Variants in IRAK1BP1 observed in about 807,000 individuals in gnomAD.
IRAK1BP1 encodes interleukin-1 receptor-associated kinase 1-binding protein 1.
A neutral mutation model predicts 28.0 loss-of-function variants in IRAK1BP1; 24 were observed. The ratio of observed to expected loss-of-function variants is 0.86; its 90% CI spans 0.62 to 1.20. The LOEUF (loss-of-function observed/expected upper bound fraction) is 1.20, where lower values mean the gene tolerates loss of function less well. IRAK1BP1 is among the 50% of genes most tolerant of loss of function. The probability of loss-of-function intolerance (pLI) is 0.00; values close to 1 mark genes in which losing one functional copy is unlikely to be tolerated. For missense variants in IRAK1BP1, 336 were observed against 316.7 expected (o/e 1.06, Z -0.46); for synonymous variants, 131 against 116.3 (o/e 1.13, Z -0.81).
chr6:78,917,632 TAAAAAA>T (rs35313944), intron 4 of IRAK1BP1, among the ~76,000 whole-genome samples: 7 of 63,690 alleles, frequency 1.1e-4, no homozygotes, highest in African/African-American at 3.9e-4. Flanking sequence ...AAGTCAACAC[TAAAAAA>T]AAAAAAAAAA....
At chr6:78,920,347 G>GA (rs1183242855) in intron 4 of IRAK1BP1, among the ~76,000 whole-genome samples, 1 of 152,004 alleles carries the variant, frequency 6.6e-6, no homozygotes, top group African/African-American at 2.4e-5. Context: ...TAAGCAAAAA[G>GA]AAAAAACCCA....
intron 2 of IRAK1BP1, among the ~76,000 whole-genome samples, chr6:78,887,238 T>C (rs1302326028): frequency 6.6e-6 from 1 of 152,122 alleles, no homozygotes; most frequent in East Asian, 1.9e-4. Context: ...TGAATAGACA[T>C]TTATCAAAAG....
In IRAK1BP1 at chr6:78,902,751, A is replaced by G; in HGVS notation, c.*4417A>G. The G allele has an allele frequency of 2.8e-6, 1 of 360,566 alleles. No homozygotes were observed. The highest frequency in any genetic ancestry group is 7.6e-4 in the Middle Eastern group (1 of 1,320). The allele number at this position is 360,566 out of a possible 1,614,324, so 22.3% of individuals were successfully genotyped here. On this transcript the variant is annotated 3_prime_UTR_variant, in exon 4 of 4. Coordinates refer to ENST00000369940, the MANE Select transcript of IRAK1BP1 (RefSeq NM_001010844.4). Reference sequence around the variant, plus strand: ...GCACCACTGCACTTCAGCCTGGGTGACAAAGTGAGACTCCATCTACATACA... The same window carrying G: ...GCACCACTGCACTTCAGCCTGGGTGGCAAAGTGAGACTCCATCTACATACA...
the IRAK1BP1 span, among the ~76,000 whole-genome samples, chr6:78,952,629 T>C: frequency 1.4e-4 from 22 of 152,226 alleles, no homozygotes; most frequent in African/African-American, 4.3e-4. Flanking sequence ...TGGGATTCTA[T>C]AGAATTTGCT....
At chr6:78,969,720 A>G in the IRAK1BP1 span, 1 of 546,326 alleles carries the variant, frequency 1.8e-6, no homozygotes, top group Non-Finnish European at 3.2e-6. Flanking sequence ...ACATTCCTAC[A>G]AATAGCAAAA....
intron 1 of IRAK1BP1, among the ~76,000 whole-genome samples, chr6:78,876,847 C>G (rs59718026): frequency 6.6e-6 from 1 of 152,182 alleles, no homozygotes; most frequent in Non-Finnish European, 1.5e-5. Flanking sequence ...CAGATGTCCC[C>G]TAGGGCAAAA....
intron 4 of IRAK1BP1, among the ~76,000 whole-genome samples, chr6:78,927,159 C>T (rs1772911787): frequency 6.6e-6 from 1 of 152,100 alleles, no homozygotes; most frequent in Non-Finnish European, 1.5e-5. Context: ...ATTTACATTC[C>T]CACCAACAGT....
chr6:78,912,098 C>G (rs963816006), intron 4 of IRAK1BP1, among the ~76,000 whole-genome samples: 8 of 152,050 alleles, frequency 5.3e-5, no homozygotes, highest in Non-Finnish European at 1.2e-4. Context: ...TCATAAAGAC[C>G]AGGGACATGT....
At chr6:78,941,572 A>G (rs1269381140) in intron 4 of IRAK1BP1, among the ~76,000 whole-genome samples, 1 of 152,190 alleles carries the variant, frequency 6.6e-6, no homozygotes, top group Non-Finnish European at 1.5e-5. Flanking sequence ...AAAATAAGTG[A>G]CTTATCTAAG....
the IRAK1BP1 span, among the ~76,000 whole-genome samples, chr6:78,969,190 A>C: frequency 6.6e-6 from 1 of 152,246 alleles, no homozygotes; most frequent in Non-Finnish European, 1.5e-5. Flanking sequence ...ACAAGTTTTT[A>C]ACAAAGGACA....
chr6:78,968,358 C>G, the IRAK1BP1 span, among the ~76,000 whole-genome samples: 1 of 152,158 alleles, frequency 6.6e-6, no homozygotes, highest in Non-Finnish European at 1.5e-5. Context: ...TACTTATACA[C>G]AGATTTTTCC....
intron 4 of IRAK1BP1, chr6:78,940,548 GT>G (rs36155238): frequency 2.9e-3 from 240 of 82,700 alleles, no homozygotes; most frequent in East Asian, 0.02. Flanking sequence ...TCGTAAGTTT[GT>G]TTTTTTTTTT....
the IRAK1BP1 span, among the ~76,000 whole-genome samples, chr6:78,971,339 T>C: frequency 6.6e-6 from 1 of 152,234 alleles, no homozygotes; most frequent in Non-Finnish European, 1.5e-5. Flanking sequence ...TTTATCCACA[T>C]TTCATGAAGA....
intron 1 of IRAK1BP1, among the ~76,000 whole-genome samples, chr6:78,875,058 A>T (rs1173509253): frequency 6.6e-6 from 1 of 152,204 alleles, no homozygotes; most frequent in Non-Finnish European, 1.5e-5. Flanking sequence ...AATCTCGTGA[A>T]AAAGTGGGCA....
chr6:78,933,927 C>T (rs1460207368), intron 4 of IRAK1BP1, among the ~76,000 whole-genome samples: 1 of 152,132 alleles, frequency 6.6e-6, no homozygotes, highest in African/African-American at 2.4e-5. Flanking sequence ...CTGCTTGGCA[C>T]AATAGTTTCA....
At chr6:78,903,145 G>GACTGAGAAAAAGAAA (rs2127657928), downstream of IRAK1BP1, 2 of 1,137,914 alleles carry the variant, frequency 1.8e-6, no homozygotes, top group East Asian at 5.1e-5. Flanking sequence ...AGAAAAAGAA[G>GACTGAGAAAAAGAAA]ACTAAGAAAA....
intron 1 of IRAK1BP1, among the ~76,000 whole-genome samples, chr6:78,885,137 A>G (rs1435761560): frequency 6.6e-6 from 1 of 152,124 alleles, no homozygotes; most frequent in African/African-American, 2.4e-5. Context: ...CCTTTATACA[A>G]ATTGAAAAGA....
At chr6:78,966,052 G>A in the IRAK1BP1 span, 20 of 1,606,016 alleles carry the variant, frequency 1.2e-5, no homozygotes, top group Non-Finnish European at 1.6e-5. Flanking sequence ...ACCTGAAGCG[G>A]TCACCTGGCC....
intron 4 of IRAK1BP1, among the ~76,000 whole-genome samples, chr6:78,913,303 C>A (rs890479514): frequency 3.3e-5 from 5 of 151,422 alleles, no homozygotes; most frequent in Admixed American, 6.6e-5. Context: ...CCACTGCACT[C>A]CAGCCTGGGC....
Sources: gnomAD v4.1 joint callset for allele counts (sites outside exome capture counted in the v4.1 genomes callset) on GRCh38, gnomAD v4.1.1 for gene constraint, MANE v1.5 for transcripts, NCBI Gene and HGNC (gene_info 2026-07-23, HGNC 2026-07-21) for gene names.